CNBD1: variants seen among roughly 807,000 people sequenced by gnomAD.
CNBD1 encodes the protein cyclic nucleotide binding domain containing 1, also known as cyclic nucleotide-binding domain-containing protein 1.
Under a neutral mutation model 54.4 loss-of-function variants are expected in CNBD1, and 71 were observed. That is an observed-to-expected ratio of 1.30 (90% CI 1.08 to 1.59). The LOEUF is 1.59. Ranked by LOEUF, CNBD1 falls within the 40% of genes most tolerant of loss-of-function variation. CNBD1 has a pLI of 0.00. For synonymous variants in CNBD1, 182 were observed against 170.7 expected (o/e 1.07, Z -0.51); for missense variants, 659 against 518.0 (o/e 1.27, Z -2.64).
intron 2 of CNBD1, among the ~76,000 whole-genome samples, chr8:87,389,048 G>C (rs973672484): frequency 6.6e-6 from 1 of 151,982 alleles, no homozygotes; most frequent in African/African-American, 2.4e-5. Context: ...CAGAACTCAA[G>C]AGCCCTTGAT....
chr8:87,382,479 C>G, intron 10 of CNBD1, 141 bp from the exon 11 acceptor site: 1 of 577,738 alleles, frequency 1.7e-6, no homozygotes, highest in Non-Finnish European at 3.1e-6. Flanking sequence ...AGAATAAGCT[C>G]TGACAATATT....
intron 3 of CNBD1, among the ~76,000 whole-genome samples, chr8:86,930,308 T>C (rs2130401721): frequency 6.6e-6 from 1 of 152,298 alleles, no homozygotes; most frequent in South Asian, 2.1e-4. Flanking sequence ...GGGTGTTTAA[T>C]TTAGATGCCT....
At chr8:87,370,082 A>G (rs1186710453) in intron 10 of CNBD1, among the ~76,000 whole-genome samples, 5 of 152,066 alleles carry the variant, frequency 3.3e-5, no homozygotes, top group African/African-American at 9.6e-5. Flanking sequence ...GCTGCATAGT[A>G]TTCCATGGTG....
intron 4 of CNBD1, among the ~76,000 whole-genome samples, chr8:87,045,304 T>C (rs950379506): frequency 6.6e-6 from 1 of 152,168 alleles, no homozygotes; most frequent in Non-Finnish European, 1.5e-5. Context: ...TAACTAGGTC[T>C]AAAAAGAAGA....
chr8:87,107,597 GA>G (rs765697621), intron 4 of CNBD1, among the ~76,000 whole-genome samples: 3 of 152,206 alleles, frequency 2.0e-5, no homozygotes, highest in Non-Finnish European at 4.4e-5. Flanking sequence ...ATATGTTTCA[GA>G]AAGGTAGAAT....
chr8:87,251,803 C>T (rs1807923587), intron 6 of CNBD1, among the ~76,000 whole-genome samples: 1 of 152,148 alleles, frequency 6.6e-6, no homozygotes, highest in African/African-American at 2.4e-5. Flanking sequence ...ATTCTTCTTA[C>T]ACTGGCTGGG....
chr8:86,866,550 A>G lies in CNBD1; in HGVS notation c.55A>G (p.Asn19Asp). 2.5e-6 allele frequency: 4 copies of G among 1,611,850 alleles called. No individual in the cohort carries two copies. Among genetic ancestry groups the G allele is most frequent in the Non-Finnish European group, 2.5e-6 (3 of 1,179,036 alleles). Residue 19 changes from asparagine to aspartate, a missense_variant, in exon 1 of 11, where the codon AAT becomes GAT. By Grantham distance (23) the Asn-to-Asp change is conservative. Coordinates refer to ENST00000518476, the MANE Select transcript of CNBD1 (RefSeq NM_173538.3). ...TTTGTCTCACATGACAGCTATTAACAATGTGCCTCCTCCTCCACTTCACAG... is the reference window on the plus strand; with the variant it reads ...TTTGTCTCACATGACAGCTATTAACGATGTGCCTCCTCCTCCACTTCACAG... Reference protein sequence around the residue: ...AILSHMTAINNVPPPPLHSIP... With the variant: ...AILSHMTAINDVPPPPLHSIP...
At chr8:86,979,284 G>T (rs963097915) in intron 4 of CNBD1, among the ~76,000 whole-genome samples, 1 of 151,084 alleles carries the variant, frequency 6.6e-6, no homozygotes, top group Non-Finnish European at 1.5e-5. Context: ...TAACACTGAG[G>T]GCTGGATGTG....
At chr8:87,266,000 G>C (rs374707603) in intron 6 of CNBD1, among the ~76,000 whole-genome samples, 2 of 152,142 alleles carry the variant, frequency 1.3e-5, no homozygotes, top group East Asian at 3.9e-4. Flanking sequence ...CTATACAAAA[G>C]ATTGAGCACT....
At chr8:87,010,066 A>C (rs1290741385) in intron 4 of CNBD1, among the ~76,000 whole-genome samples, 1 of 152,008 alleles carries the variant, frequency 6.6e-6, no homozygotes, top group Admixed American at 6.6e-5. Context: ...CTTATCTTTA[A>C]TTTTTGGAAT....
chr8:86,957,093 GT>G (rs1337584537), intron 4 of CNBD1, among the ~76,000 whole-genome samples: 1 of 151,786 alleles, frequency 6.6e-6, no homozygotes, highest in Non-Finnish European at 1.5e-5. Flanking sequence ...ATAATCGTGT[GT>G]TTTGTCTTTG....
At chr8:86,942,376 C>T (rs962149252) in intron 4 of CNBD1, among the ~76,000 whole-genome samples, 4 of 152,190 alleles carry the variant, frequency 2.6e-5, no homozygotes, top group Non-Finnish European at 4.4e-5. Context: ...GTCCTCTGCT[C>T]AGTGTCTCAC....
At chr8:86,972,436 A>G (rs558053395) in intron 4 of CNBD1, among the ~76,000 whole-genome samples, 1 of 152,326 alleles carries the variant, frequency 6.6e-6, no homozygotes, top group South Asian at 2.1e-4. Context: ...TTGAAAATCT[A>G]AAATCTAACT....
At chr8:87,057,716 G>T (rs750137351) in intron 4 of CNBD1, among the ~76,000 whole-genome samples, 21 of 152,168 alleles carry the variant, frequency 1.4e-4, no homozygotes, top group Non-Finnish European at 2.6e-4. Flanking sequence ...GGGCATGGTG[G>T]TACATACCTG....
chr8:87,017,733 T>C (rs1809396986), intron 4 of CNBD1, among the ~76,000 whole-genome samples: 1 of 152,174 alleles, frequency 6.6e-6, no homozygotes, highest in Non-Finnish European at 1.5e-5. Flanking sequence ...AGGATTAAAA[T>C]ATATGTATAT....
chr8:86,985,264 G>A (rs190180407), intron 4 of CNBD1, among the ~76,000 whole-genome samples: 11 of 152,124 alleles, frequency 7.2e-5, no homozygotes, highest in Admixed American at 4.6e-4. Flanking sequence ...TAAACTGCCC[G>A]GTCTTGGGTA....
chr8:86,876,315 T>G (rs1027852153), intron 1 of CNBD1, among the ~76,000 whole-genome samples: 1 of 152,078 alleles, frequency 6.6e-6, no homozygotes, highest in Non-Finnish European at 1.5e-5. Flanking sequence ...ATAAGTAATA[T>G]ACATTTTCCT....
chr8:87,220,501 T>A (rs1814308334), intron 5 of CNBD1, among the ~76,000 whole-genome samples: 1 of 118,796 alleles, frequency 8.4e-6, no homozygotes. Flanking sequence ...CTGTCCAAGT[T>A]TTTTTTTTTT....
At chr8:87,019,480 A>T (rs2130573939) in intron 4 of CNBD1, among the ~76,000 whole-genome samples, 1 of 152,356 alleles carries the variant, frequency 6.6e-6, no homozygotes, top group South Asian at 2.1e-4. Context: ...GTCTATTGTT[A>T]ACAAGTCTAT....
Sources: allele counts gnomAD v4.1 joint callset (sites outside exome capture counted in the v4.1 genomes callset), GRCh38; gene constraint gnomAD v4.1.1; transcripts MANE v1.5; gene names NCBI Gene and HGNC (gene_info 2026-07-23, HGNC 2026-07-21).